CEP112: variants seen among roughly 807,000 people sequenced by gnomAD.
The protein encoded by CEP112 is centrosomal protein of 112 kDa.
A neutral mutation model predicts 153.0 loss-of-function variants in CEP112; 127 were observed. That is an observed-to-expected ratio of 0.83 (90% CI 0.72 to 0.96). CEP112 has a LOEUF of 0.96. CEP112 is among the 40% of genes least tolerant of loss of function. CEP112 has a pLI of 0.00. For missense variants in CEP112, 1,089 were observed against 1,101.2 expected (o/e 0.99, Z 0.16); for synonymous variants, 358 against 374.4 (o/e 0.96, Z 0.51).
At chr17:65,870,065 G>GAAAGAAAGA (rs1555689540) in intron 20 of CEP112, among the ~76,000 whole-genome samples, 2,401 of 79,306 alleles carry the variant, frequency 0.03, 190 homozygotes, top group Middle Eastern at 0.065. Context: ...AAGAAAGAAA[G>GAAAGAAAGA]AAAGAAAGAA....
At chr17:66,085,267 C>T (rs981107248) in intron 8 of CEP112, among the ~76,000 whole-genome samples, 16 of 152,118 alleles carry the variant, frequency 1.1e-4, no homozygotes, top group Admixed American at 2.6e-4. Context: ...AGTTATACAA[C>T]CGTTAGCACA....
chr17:65,741,650 G>A (rs191350974), intron 23 of CEP112, among the ~76,000 whole-genome samples: 149 of 151,564 alleles, frequency 9.8e-4, no homozygotes, highest in African/African-American at 3.4e-3. Context: ...ATGCTGTCAG[G>A]AGTATATTCA....
In CEP112 at chr17:65,829,159, T is replaced by C. The variant is rs2056973087; in HGVS notation, c.2394+22645A>G. On this transcript the variant is annotated intron_variant, in intron 21 of 26. Transcript: ENST00000535342. ...ATGTCTTAATTAGCATTTTCTTTAT[T>C]ACTTATGAGAATGAAGAGGTTTATT... Among the ~76,000 whole-genome samples, 3 of 152,218 alleles carry C rather than the reference T, an allele frequency of 2.0e-5. No homozygotes were observed. In the South Asian group the frequency reaches 6.2e-4, roughly 32 times the overall value.
At chr17:66,047,388 A>T (rs1296173072) in intron 12 of CEP112, among the ~76,000 whole-genome samples, 2 of 152,240 alleles carry the variant, frequency 1.3e-5, no homozygotes, top group Non-Finnish European at 2.9e-5. Context: ...AAGTGCTGGG[A>T]TTACAGGCGA....
chr17:65,719,829 G>GGGCA (rs1182977813), intron 23 of CEP112, among the ~76,000 whole-genome samples: 1 of 152,188 alleles, frequency 6.6e-6, no homozygotes, highest in Non-Finnish European at 1.5e-5. Context: ...GAGAGGACTG[G>GGGCA]GGCAGGCAGG....
At chr17:66,069,423 G>C (rs1432645112) in intron 9 of CEP112, among the ~76,000 whole-genome samples, 1 of 152,000 alleles carries the variant, frequency 6.6e-6, no homozygotes. Flanking sequence ...AGATTAGAAA[G>C]CATCAATCCC....
At chr17:66,188,151 C>T (rs375251717) in intron 1 of CEP112, among the ~76,000 whole-genome samples, 11 of 152,198 alleles carry the variant, frequency 7.2e-5, no homozygotes, top group African/African-American at 2.4e-4. Flanking sequence ...AATGAGTTTC[C>T]TAATGACAAA....
intron 6 of CEP112, among the ~76,000 whole-genome samples, chr17:66,112,584 T>C (rs1279663940): frequency 1.3e-5 from 2 of 152,068 alleles, no homozygotes; most frequent in Non-Finnish European, 2.9e-5. Context: ...AGGGAAACAA[T>C]TATTAAGATA....
At chr17:65,848,928 A>G (rs2057823022) in intron 21 of CEP112, among the ~76,000 whole-genome samples, 1 of 152,144 alleles carries the variant, frequency 6.6e-6, no homozygotes, top group Non-Finnish European at 1.5e-5. Context: ...GCCTGGATTA[A>G]TCCAGTCCTT....
At chr17:65,919,060 A>G (rs1424350185) in intron 19 of CEP112, among the ~76,000 whole-genome samples, 1 of 152,200 alleles carries the variant, frequency 6.6e-6, no homozygotes, top group Non-Finnish European at 1.5e-5. Flanking sequence ...CTTTTCCACC[A>G]AAGTACTCTC....
intron 18 of CEP112, among the ~76,000 whole-genome samples, chr17:65,943,052 G>GT (rs1321279121): frequency 6.6e-6 from 1 of 152,134 alleles, no homozygotes; most frequent in Non-Finnish European, 1.5e-5. Context: ...GGCTTAAGGT[G>GT]TAAGAAATAA....
rs557797429 is a variant in CEP112 at position 65,646,827 on chromosome 17, G to A, written c.2698-5762C>T. ...CAACAGGGGCCAGGGCCAGGGGATG[G>A]GGCGTTGAACTGCAGTGCTTCCAGA... On this transcript the variant is annotated intron_variant, in intron 24 of 26. Transcript: ENST00000535342. Among the ~76,000 whole-genome samples the A allele has an allele frequency of 3.3e-5, 5 of 152,296 alleles. No homozygotes were observed. In the East Asian group the frequency reaches 9.6e-4, roughly 29 times the overall value.
chr17:65,783,202 A>G (rs2054094890), intron 21 of CEP112, among the ~76,000 whole-genome samples: 1 of 152,232 alleles, frequency 6.6e-6, no homozygotes, highest in Non-Finnish European at 1.5e-5. Context: ...TAGTCATTAA[A>G]TAAATGCAAA....
At position 65,683,152 on chromosome 17, in the gene CEP112, G is replaced by A. The variant is rs532411638; in HGVS notation, c.2697+5977C>T. Among the ~76,000 whole-genome samples, 50 of 152,108 alleles carry A rather than the reference G, an allele frequency of 3.3e-4. No individual in the cohort carries two copies. The South Asian group carries it at 0.01, about 32-fold the overall frequency. ...GGGTATCTGGGACTCTGCAGCCCAC[G>A]AGGGAACCTCTTTCCCCACCCTGCA... On this transcript the variant is annotated intron_variant, in intron 24 of 26. Coordinates refer to ENST00000535342, the MANE Select transcript of CEP112 (RefSeq NM_001199165.4).
At chr17:66,000,344 C>CTT (rs35031035) in intron 17 of CEP112, among the ~76,000 whole-genome samples, 8 of 146,964 alleles carry the variant, frequency 5.4e-5, no homozygotes, top group African/African-American at 5.0e-5. Context: ...TGCTTTTTTG[C>CTT]TTTTTTTTTT....
At position 65,766,894 on chromosome 17, in the gene CEP112, T is replaced by C. The variant is rs535040130; in HGVS notation, c.2395-16170A>G. On this transcript the variant is annotated intron_variant, in intron 21 of 26. Transcript: ENST00000535342. ...GACATTAGCCATTAGAGCACCTAAA[T>C]ATATAAAGCAAATATTAATGGACAT... Among the ~76,000 whole-genome samples the C allele has an allele frequency of 6.5e-4, 89 of 137,832 alleles. 1 individual carries two copies. The highest frequency in any genetic ancestry group is 4.0e-3 in the South Asian group (16 of 3,962). The allele number at this position is 137,832 out of a possible 152,430, so 90.4% of individuals were successfully genotyped here.
chr17:66,148,234 T>C (rs986031471), intron 4 of CEP112, among the ~76,000 whole-genome samples: 24 of 152,292 alleles, frequency 1.6e-4, no homozygotes, highest in African/African-American at 4.8e-4. Flanking sequence ...ACTTATTTAC[T>C]ACCACAAGAA....
chr17:65,934,215 A>C (rs1270970458), intron 18 of CEP112, among the ~76,000 whole-genome samples: 2 of 152,230 alleles, frequency 1.3e-5, no homozygotes, highest in African/African-American at 2.4e-5. Flanking sequence ...AAAGGATACA[A>C]ATTATAAAAA....
chr17:65,751,988 AT>A (rs2051890105), intron 21 of CEP112, among the ~76,000 whole-genome samples: 4 of 144,436 alleles, frequency 2.8e-5, no homozygotes, highest in Non-Finnish European at 6.0e-5. Context: ...CTATCTATCT[AT>A]CTATCTATCT....
Sources: gnomAD v4.1 joint callset for allele counts (sites outside exome capture counted in the v4.1 genomes callset) on GRCh38, gnomAD v4.1.1 for gene constraint, MANE v1.5 for transcripts, NCBI Gene and HGNC (gene_info 2026-07-23, HGNC 2026-07-21) for gene names.